The following VGLL4 variants were observed in gnomAD, a reference collection of about 807,000 sequenced individuals.
The protein encoded by VGLL4 is transcription cofactor vestigial-like protein 4.
A neutral mutation model predicts 21.0 loss-of-function variants in VGLL4; 7 were observed. That is an observed-to-expected ratio of 0.33 (90% CI 0.19 to 0.63). The LOEUF is 0.63. Among genes scored for constraint, VGLL4 ranks in the 20% least tolerant of loss-of-function variants. VGLL4 has a pLI of 0.78. For synonymous variants in VGLL4, 222 were observed against 173.2 expected (o/e 1.28, Z -2.21); for missense variants, 394 against 425.7 (o/e 0.93, Z 0.66).
At chr3:11,596,791 T>G (rs569302426) in intron 2 of VGLL4, among the ~76,000 whole-genome samples, 1 of 152,208 alleles carries the variant, frequency 6.6e-6, no homozygotes, top group Non-Finnish European at 1.5e-5. Flanking sequence ...GGCTGGTGTC[T>G]GCTGTACTAT....
chr3:11,582,219 CAG>C, intron 2 of VGLL4: 8 of 1,548,206 alleles, frequency 5.2e-6, no homozygotes, highest in Non-Finnish European at 6.2e-6. Context: ...GCTGAAAATA[CAG>C]GGTTGCCATC....
intron 2 of VGLL4, among the ~76,000 whole-genome samples, chr3:11,566,236 C>T (rs2073503524): frequency 6.6e-6 from 1 of 152,206 alleles, no homozygotes; most frequent in Non-Finnish European, 1.5e-5. Flanking sequence ...ACACCACACA[C>T]ACACACGCAT....
At chr3:11,715,472 C>T (rs1487737738) in intron 1 of VGLL4, among the ~76,000 whole-genome samples, 4 of 151,988 alleles carry the variant, frequency 2.6e-5, no homozygotes, top group Admixed American at 1.3e-4. Context: ...TAGTTGGGAT[C>T]ACAGGTGCCC....
intron 2 of VGLL4, among the ~76,000 whole-genome samples, chr3:11,579,678 CCA>C (rs1361331720): frequency 1.3e-5 from 2 of 152,140 alleles, no homozygotes; most frequent in African/African-American, 4.8e-5. Flanking sequence ...AATAATGCCT[CCA>C]GAGAATTCAG....
chr3:11,671,296 T>G lies in VGLL4; in HGVS notation c.64+31675A>C, dbSNP rs538137080. On this transcript the variant is annotated intron_variant, in intron 2 of 5. Coordinates refer to the VGLL4 transcript ENST00000273038. Reference sequence around the variant, plus strand: ...GACCTGGATGTCTCCAACTTTTGAGTGCACAGGACTCAGGGATTTTGTCAA... The same window carrying G: ...GACCTGGATGTCTCCAACTTTTGAGGGCACAGGACTCAGGGATTTTGTCAA... 163 of 1,590,786 alleles carry G rather than the reference T, an allele frequency of 1.0e-4. 1 individual carries two copies. The East Asian group carries it at 3.6e-3, about 35-fold the overall frequency.
At chr3:11,607,136 A>T (rs911745534) in intron 1 of VGLL4, 1 of 152,232 alleles carries the variant, frequency 6.6e-6, no homozygotes, top group Non-Finnish European at 1.5e-5. Flanking sequence ...AAGCTTGTAC[A>T]TGCATGTTCA....
At chr3:11,698,051 T>C (rs2076628875) in intron 2 of VGLL4, among the ~76,000 whole-genome samples, 1 of 152,220 alleles carries the variant, frequency 6.6e-6, no homozygotes, top group Non-Finnish European at 1.5e-5. Flanking sequence ...CGGATGCAAT[T>C]AGATCTTAAA....
chr3:11,574,681 T>C (rs1047699528), intron 2 of VGLL4, among the ~76,000 whole-genome samples: 1 of 152,120 alleles, frequency 6.6e-6, no homozygotes, highest in Non-Finnish European at 1.5e-5. Context: ...CGATTAATGT[T>C]TGATGGAGGC....
intron 2 of VGLL4, among the ~76,000 whole-genome samples, chr3:11,599,017 G>A (rs887756751): frequency 6.6e-6 from 1 of 152,106 alleles, no homozygotes; most frequent in Non-Finnish European, 1.5e-5. Context: ...ATAAAGGAGG[G>A]AGCATGCTAT....
intron 2 of VGLL4, among the ~76,000 whole-genome samples, chr3:11,666,708 G>A (rs1021049470): frequency 2.6e-5 from 4 of 152,148 alleles, no homozygotes; most frequent in African/African-American, 9.7e-5. Context: ...ACACAGGCTT[G>A]GAAATCCAGA....
At chr3:11,646,835 A>T (rs1162856933), upstream of VGLL4, among the ~76,000 whole-genome samples, 1 of 152,138 alleles carries the variant, frequency 6.6e-6, no homozygotes, top group Non-Finnish European at 1.5e-5. Context: ...CTGATCCGGG[A>T]GGCTAGCACG....
chr3:11,698,141 G>A (rs1186402267), intron 2 of VGLL4, among the ~76,000 whole-genome samples: 2 of 152,174 alleles, frequency 1.3e-5, no homozygotes, highest in South Asian at 2.1e-4. Context: ...GACATGCCAA[G>A]GTGTTGTTTT....
intron 2 of VGLL4, among the ~76,000 whole-genome samples, chr3:11,694,181 G>C (rs1381866718): frequency 6.6e-6 from 1 of 152,210 alleles, no homozygotes; most frequent in Non-Finnish European, 1.5e-5. Context: ...ATGCTCAGGA[G>C]TTCATGAGAA....
Position 11,662,653 on chromosome 3 carries a change from G to A in VGLL4, c.64+40318C>T, listed in dbSNP as rs1003448587. On this transcript the variant is annotated intron_variant, in intron 2 of 5. Coordinates refer to the VGLL4 transcript ENST00000273038. ...CCTAACTAGGAGTGCCATGTAATAC[G>A]GATCTGGCCAATGAGACAGGAACAG... Among the ~76,000 whole-genome samples the A allele has an allele frequency of 7.2e-5, 11 of 152,168 alleles. 1 individual carries two copies. The highest frequency in any genetic ancestry group is 5.2e-4 in the Admixed American group (8 of 15,280).
At chr3:11,626,565 T>TACACAGTGAA (rs2075355761) in intron 1 of VGLL4, 1 of 353,318 alleles carries the variant, frequency 2.8e-6, no homozygotes, top group African/African-American at 2.1e-5. Context: ...TGAACAGTGC[T>TACACAGTGAA]CTAAACACAT....
intron 2 of VGLL4, among the ~76,000 whole-genome samples, chr3:11,687,687 T>C (rs530937386): frequency 6.6e-6 from 1 of 152,350 alleles, no homozygotes; most frequent in South Asian, 2.1e-4. Context: ...ATCACTCTTA[T>C]AACCAGCTGC....
intron 2 of VGLL4, among the ~76,000 whole-genome samples, chr3:11,678,392 C>T (rs2076324440): frequency 6.6e-6 from 1 of 152,206 alleles, no homozygotes; most frequent in Non-Finnish European, 1.5e-5. Context: ...ACATAAAATG[C>T]CTCTCTGACC....
intron 2 of VGLL4, among the ~76,000 whole-genome samples, chr3:11,657,018 C>A (rs1313201667): frequency 1.3e-5 from 2 of 152,184 alleles, no homozygotes; most frequent in Non-Finnish European, 2.9e-5. Flanking sequence ...AGAGCAGTGA[C>A]GGGCCTCCCA....
At chr3:11,643,322 A>C in intron 1 of VGLL4, 115 bp downstream of exon 1, 1 of 1,519,726 alleles carries the variant, frequency 6.6e-7, no homozygotes. Flanking sequence ...CCGGCCTTTC[A>C]AGTGCCCTAC....
Sources: gnomAD v4.1 joint callset for allele counts (sites outside exome capture counted in the v4.1 genomes callset) on GRCh38, gnomAD v4.1.1 for gene constraint, MANE v1.5 for transcripts, NCBI Gene and HGNC (gene_info 2026-07-23, HGNC 2026-07-21) for gene names.